Variants in ACTN4 observed in about 807,000 individuals in gnomAD.
ACTN4 encodes the protein actinin alpha 4.
ACTN4 carries 18 observed loss-of-function variants against 114.2 expected under a neutral mutation model. The ratio of observed to expected loss-of-function variants is 0.16; its 90% confidence interval spans 0.11 to 0.23. ACTN4 has a LOEUF of 0.23. Ranked by LOEUF, ACTN4 falls within the 10% of genes least tolerant of loss-of-function variation. The pLI, the probability that ACTN4 is intolerant of heterozygous loss-of-function variation, is 1.00. For missense variants in ACTN4, 722 were observed against 1,262.9 expected (o/e 0.57, Z 6.49); for synonymous variants, 515 against 506.3 (o/e 1.02, Z -0.23).
At chr19:38,723,861 A>G (rs2145090509) in intron 13 of ACTN4, 76 bp from the exon 14 acceptor site, 1 of 1,509,110 alleles carries the variant, frequency 6.6e-7, no homozygotes, top group South Asian at 1.1e-5. Context: ...GGCCCTCTGG[A>G]CCCCTCCCCA....
At chr19:38,662,093 C>T (rs990294834) in intron 1 of ACTN4, among the ~76,000 whole-genome samples, 1 of 152,158 alleles carries the variant, frequency 6.6e-6, no homozygotes, top group Admixed American at 6.5e-5. Context: ...GACAGGCATA[C>T]AGGCTGATTC....
intron 1 of ACTN4, 95 bp downstream of exon 1, chr19:38,648,002 A>C: frequency 7.5e-7 from 1 of 1,334,928 alleles, no homozygotes; most frequent in Non-Finnish European, 9.7e-7. Flanking sequence ...AGCGTCTGTG[A>C]TGGGAACGGG....
intron 1 of ACTN4, among the ~76,000 whole-genome samples, chr19:38,680,674 C>T (rs984616674): frequency 2.0e-5 from 3 of 152,090 alleles, no homozygotes; most frequent in East Asian, 1.9e-4. Flanking sequence ...GTCAGCCATC[C>T]GAGTCAGAAA....
In ACTN4 at chr19:38,647,818, G is replaced by C; in HGVS notation, c.73G>C (p.Gly25Arg). The stretch of plus-strand genomic sequence containing the variant: ...CAGCGCGGGCAATGGCGCTGGCGGC[G>C]GGGGCAGCATGGGCGACTACATGGC... The part of the protein sequence containing the change: ...PSSAGNGAGG[G>R]GSMGDYMAQE... Residue 25 changes from glycine (G) to arginine (R), a missense_variant, in exon 1 of 21, where the codon GGG becomes CGG. Physicochemically the swap from Gly to Arg is moderately radical, Grantham distance 125. Around this residue, in one of 3 missense-constraint regions of ACTN4, gnomAD observed 72 missense variants for 75.6 expected, o/e 0.95. Transcript: ENST00000252699. 2 of 1,552,234 alleles carry C rather than the reference G, an allele frequency of 1.3e-6. No homozygotes were observed. The highest frequency in any genetic ancestry group is 1.4e-5 in the African/African-American group (1 of 71,786).
At chr19:38,723,912 T>C in intron 13 of ACTN4, 25 bp from the exon 14 acceptor site, 1 of 1,586,774 alleles carries the variant, frequency 6.3e-7, no homozygotes. Context: ...CCTCTGTCCC[T>C]GCCCCCTTCC....
intron 4 of ACTN4, among the ~76,000 whole-genome samples, chr19:38,705,278 G>T (rs1352164527): frequency 6.6e-6 from 1 of 152,202 alleles, no homozygotes; most frequent in Non-Finnish European, 1.5e-5. Flanking sequence ...ACCCTCATGA[G>T]ATGGGCTAGG....
At chr19:38,690,683 C>T (rs1249486495) in intron 1 of ACTN4, among the ~76,000 whole-genome samples, 2 of 152,236 alleles carry the variant, frequency 1.3e-5, no homozygotes, top group Non-Finnish European at 1.5e-5. Flanking sequence ...TCGTGATCTG[C>T]CCGCCTTGGC....
At chr19:38,728,176 C>T (rs1969310916) in intron 19 of ACTN4, 150 bp downstream of exon 19, 3 of 1,305,168 alleles carry the variant, frequency 2.3e-6, no homozygotes, top group Admixed American at 4.0e-5. Context: ...CCCTGGACCC[C>T]TTCCCTTTTA....
At chr19:38,715,413 C>T (rs191923042) in intron 9 of ACTN4, among the ~76,000 whole-genome samples, 1 of 152,264 alleles carries the variant, frequency 6.6e-6, no homozygotes, top group Admixed American at 6.5e-5. Context: ...AGGAGGATCG[C>T]TTGAGCCTGG....
At chr19:38,695,592 A>G (rs892942154) in intron 1 of ACTN4, among the ~76,000 whole-genome samples, 1 of 151,840 alleles carries the variant, frequency 6.6e-6, no homozygotes. Flanking sequence ...CTTTCCCTGC[A>G]TGGCAGGGAC....
intron 1 of ACTN4, among the ~76,000 whole-genome samples, chr19:38,677,738 C>CT (rs1568694856): frequency 1.3e-5 from 2 of 152,044 alleles, no homozygotes; most frequent in African/African-American, 4.8e-5. Context: ...CGATGCTTTT[C>CT]TTTTTTTTCT....
chr19:38,727,176 A>G lies in ACTN4; in HGVS notation c.2337+73A>G, dbSNP rs1861851869. ...TACCAGCCCACACCTTCGTCTCTGC[A>G]TCTGTTCGTCCATTCCCATCACAGT... On this transcript the variant is annotated intron_variant, in intron 18 of 20. Transcript: ENST00000252699. The surrounding 1 kb of genome is among the most constrained non-coding windows in gnomAD (Gnocchi z 5.4). 1.2e-6 allele frequency: 2 copies of G among 1,607,402 alleles called. No individual in the cohort carries two copies. The highest frequency in any genetic ancestry group is 2.7e-5 in the African/African-American group (2 of 74,760).
At chr19:38,693,268 C>T (rs757621270) in intron 1 of ACTN4, among the ~76,000 whole-genome samples, 11 of 152,164 alleles carry the variant, frequency 7.2e-5, no homozygotes, top group Admixed American at 3.3e-4. Flanking sequence ...AGCCGGCATG[C>T]TCACCCCTCC....
At chr19:38,677,324 T>G (rs1396477555) in intron 1 of ACTN4, among the ~76,000 whole-genome samples, 2 of 151,858 alleles carry the variant, frequency 1.3e-5, no homozygotes, top group Non-Finnish European at 2.9e-5. Flanking sequence ...TCAAGGCAAA[T>G]GTAAGTGTGC....
intron 13 of ACTN4, 74 bp downstream of exon 13, chr19:38,723,796 C>A: frequency 6.8e-7 from 1 of 1,474,954 alleles, no homozygotes; most frequent in Non-Finnish European, 9.3e-7. Flanking sequence ...GGATAGTGTC[C>A]AGACCTGTGA....
rs1004424947 is a variant in ACTN4, at chr19:38,727,460, C to G, written c.2337+357C>G. On this transcript the variant is annotated intron_variant, in intron 18 of 20. Transcript: ENST00000252699. The surrounding 1 kb of genome is among the most constrained non-coding windows in gnomAD (Gnocchi z 5.4). The stretch of plus-strand genomic sequence containing the variant: ...GTGCTTTTAGAATTCAGATTTGGTC[C>G]GGCAGCCTCATCAGAGGGGCCCTGA... Among the ~76,000 whole-genome samples the G allele has an allele frequency of 1.3e-5, 2 of 152,130 alleles. No homozygotes were observed. The highest frequency in any genetic ancestry group is 1.3e-4 in the Admixed American group (2 of 15,274).
At chr19:38,655,355 A>T (rs867585479) in intron 1 of ACTN4, among the ~76,000 whole-genome samples, 3 of 152,202 alleles carry the variant, frequency 2.0e-5, no homozygotes, top group Admixed American at 6.6e-5. Context: ...AGTGTTGGTG[A>T]GGTGTTAAAG....
At chr19:38,651,824 C>CA (rs1269970939) in intron 1 of ACTN4, among the ~76,000 whole-genome samples, 2 of 152,064 alleles carry the variant, frequency 1.3e-5, no homozygotes, top group African/African-American at 4.8e-5. Flanking sequence ...CAACCTCTTC[C>CA]AGGTTCAAGG....
At chr19:38,725,347 G>C (rs895465376) in intron 16 of ACTN4, among the ~76,000 whole-genome samples, 1 of 152,196 alleles carries the variant, frequency 6.6e-6, no homozygotes, top group African/African-American at 2.4e-5. Flanking sequence ...CTGCAGCCAG[G>C]CCAGGGTTCA....
Sources: allele counts gnomAD v4.1 joint callset (sites outside exome capture counted in the v4.1 genomes callset), GRCh38; gene constraint gnomAD v4.1.1; regional missense constraint gnomAD v4.1.1; non-coding constraint Gnocchi (gnomAD v3.1); transcripts MANE v1.5; gene names NCBI Gene and HGNC (gene_info 2026-07-23, HGNC 2026-07-21).